The following RNF150 variants were observed in gnomAD, a reference collection of about 807,000 sequenced individuals.
RNF150 encodes ring finger protein 150.
In RNF150, 24 loss-of-function variants were observed where a neutral mutation model predicts 39.3. The observed-to-expected ratio is 0.61, with a 90% CI of 0.44 to 0.86. The LOEUF (loss-of-function observed/expected upper bound fraction) is 0.86, where lower values mean the gene tolerates loss of function less well. Ranked by LOEUF, RNF150 falls within the 40% of genes least tolerant of loss-of-function variation. The pLI, the probability that RNF150 is intolerant of heterozygous loss-of-function variation, is 0.00. For missense variants in RNF150, 502 were observed against 587.8 expected, an observed-to-expected ratio of 0.85 and a Z score of 1.51; for synonymous variants, 255 against 227.3, an observed-to-expected ratio of 1.12 and a Z score of -1.10.
intron 6 of RNF150, 179 bp downstream of exon 6, chr4:140,910,965 G>C (rs1730573532): frequency 3.2e-6 from 2 of 615,764 alleles, no homozygotes. Flanking sequence ...CAGGTGGGCT[G>C]TCTGCCCTGC....
At chr4:140,965,465 C>A (rs556874075) in intron 2 of RNF150, among the ~76,000 whole-genome samples, 1 of 152,082 alleles carries the variant, frequency 6.6e-6, no homozygotes, top group Non-Finnish European at 1.5e-5. Context: ...ACATTATTCA[C>A]GACAGCGAAG....
At chr4:141,113,245 C>G (rs573314560) in intron 1 of RNF150, among the ~76,000 whole-genome samples, 1 of 150,780 alleles carries the variant, frequency 6.6e-6, no homozygotes, top group East Asian at 2.0e-4. Flanking sequence ...CAAGACCCAT[C>G]GGTGTGCTGT....
chr4:141,047,930 T>G (rs1163039139), intron 1 of RNF150, among the ~76,000 whole-genome samples: 1 of 152,142 alleles, frequency 6.6e-6, no homozygotes, highest in Non-Finnish European at 1.5e-5. Context: ...CACCTACCAG[T>G]AGTGATACAG....
At chr4:141,071,824 AT>A (rs1382981140) in intron 1 of RNF150, among the ~76,000 whole-genome samples, 5 of 152,158 alleles carry the variant, frequency 3.3e-5, no homozygotes, top group African/African-American at 1.2e-4. Context: ...ACAGCACTGC[AT>A]TTGTACAGTC....
At chr4:141,121,366 C>T (rs1237981927) in intron 1 of RNF150, among the ~76,000 whole-genome samples, 1 of 152,176 alleles carries the variant, frequency 6.6e-6, no homozygotes, top group African/African-American at 2.4e-5. Flanking sequence ...GTCAACCATG[C>T]ACCAGAATCT....
chr4:141,025,544 A>C (rs569630646), intron 1 of RNF150, among the ~76,000 whole-genome samples: 6 of 152,298 alleles, frequency 3.9e-5, no homozygotes, highest in Admixed American at 6.5e-5. Context: ...AAAAAATGAA[A>C]AATGAGAAGG....
chr4:140,899,477 C>T (rs1294954588), intron 6 of RNF150, among the ~76,000 whole-genome samples: 1 of 152,196 alleles, frequency 6.6e-6, no homozygotes, highest in Non-Finnish European at 1.5e-5. Flanking sequence ...TCCTAGACAT[C>T]TAATTCTACA....
chr4:141,088,809 C>T (rs1342250259), intron 1 of RNF150, among the ~76,000 whole-genome samples: 2 of 151,980 alleles, frequency 1.3e-5, no homozygotes, highest in African/African-American at 2.4e-5. Context: ...GCTTCTACAC[C>T]GGTCAGCAGT....
intron 1 of RNF150, among the ~76,000 whole-genome samples, chr4:141,118,394 T>C (rs1726497425): frequency 6.6e-6 from 1 of 152,170 alleles, no homozygotes; most frequent in South Asian, 2.1e-4. Flanking sequence ...TGTACCCTCC[T>C]GGAAGACCTA....
At chr4:140,894,925 G>C (rs1351201491) in intron 6 of RNF150, among the ~76,000 whole-genome samples, 2 of 152,176 alleles carry the variant, frequency 1.3e-5, no homozygotes, top group African/African-American at 2.4e-5. Context: ...CTGGGGCTGA[G>C]CTGCCTGAGT....
chr4:140,972,120 CA>C (rs1733490453), intron 1 of RNF150, among the ~76,000 whole-genome samples: 1 of 151,606 alleles, frequency 6.6e-6, no homozygotes, highest in Non-Finnish European at 1.5e-5. Flanking sequence ...CTCAGGTGAC[CA>C]AAAAAACTTA....
chr4:140,957,667 T>C (rs1199446796), intron 2 of RNF150, among the ~76,000 whole-genome samples: 1 of 151,644 alleles, frequency 6.6e-6, no homozygotes, highest in Non-Finnish European at 1.5e-5. Context: ...CCAACAATGA[T>C]AGACTGGATT....
chr4:140,879,750 T>A (rs970667494), intron 6 of RNF150, among the ~76,000 whole-genome samples: 4 of 152,024 alleles, frequency 2.6e-5, no homozygotes, highest in Non-Finnish European at 5.9e-5. Context: ...TGAGCCCAGG[T>A]TGAGGCTCCA....
intron 1 of RNF150, among the ~76,000 whole-genome samples, chr4:141,201,818 T>C (rs1429066245): frequency 6.6e-6 from 1 of 152,180 alleles, no homozygotes; most frequent in Non-Finnish European, 1.5e-5. Flanking sequence ...TTTAGAAACC[T>C]TGTGCTATGG....
chr4:141,003,281 T>C (rs1337676343), intron 1 of RNF150, among the ~76,000 whole-genome samples: 1 of 152,154 alleles, frequency 6.6e-6, no homozygotes, highest in East Asian at 1.9e-4. Context: ...TAATTTACAT[T>C]GTGGAAAAGT....
chr4:141,025,407 C>T (rs1735658869), intron 1 of RNF150, among the ~76,000 whole-genome samples: 2 of 151,910 alleles, frequency 1.3e-5, no homozygotes, highest in Admixed American at 6.6e-5. Flanking sequence ...ACTAGATGAA[C>T]TATCATTTAA....
chr4:141,210,214 T>C (rs1728440130), intron 1 of RNF150, among the ~76,000 whole-genome samples: 1 of 152,210 alleles, frequency 6.6e-6, no homozygotes, highest in Non-Finnish European at 1.5e-5. Context: ...GGTTTTAATC[T>C]GTGGACACTC....
chr4:140,880,416 G>T (rs1224590919), intron 6 of RNF150, among the ~76,000 whole-genome samples: 1 of 151,896 alleles, frequency 6.6e-6, no homozygotes, highest in Non-Finnish European at 1.5e-5. Flanking sequence ...TTTTGTCAAA[G>T]ATTTTTGCAT....
In RNF150 at chr4:141,140,629, G is replaced by A. The variant is rs148673766; in HGVS notation, c.-6+72165C>T. Among the ~76,000 whole-genome samples the A allele has an allele frequency of 3.4e-4, 51 of 150,782 alleles. No homozygotes were observed. The East Asian group carries it at 8.3e-3, about 25-fold the overall frequency. On this transcript the variant is annotated intron_variant, in intron 1 of 7. Coordinates refer to the RNF150 transcript ENST00000420921. ...TTGAAAGATCATCTTGTCCTTTTTC[G>A]CCAAAAAGCTGGAATGAGGGAGGTT... is the stretch of plus-strand genomic sequence containing the variant.
Sources: gnomAD v4.1 joint callset for allele counts (sites outside exome capture counted in the v4.1 genomes callset) on GRCh38, gnomAD v4.1.1 for gene constraint, MANE v1.5 for transcripts, NCBI Gene and HGNC (gene_info 2026-07-23, HGNC 2026-07-21) for gene names.